The following EPM2A variants were observed in gnomAD, a reference collection of about 807,000 sequenced individuals.
EPM2A encodes laforin.
EPM2A carries 21 observed loss-of-function variants against 26.5 expected under a neutral mutation model. That is an observed-to-expected ratio of 0.79 (90% CI 0.56 to 1.14). The LOEUF is 1.14. Ranked by LOEUF, EPM2A falls within the 50% of genes most tolerant of loss-of-function variation. EPM2A has a pLI of 0.00. For missense variants in EPM2A, 458 were observed against 440.8 expected, an observed-to-expected ratio of 1.04 and a Z score of -0.35; for synonymous variants, 217 against 177.6, an observed-to-expected ratio of 1.22 and a Z score of -1.76.
At chr6:145,510,040 C>T (rs999390742) in intron 2 of EPM2A, among the ~76,000 whole-genome samples, 4 of 151,906 alleles carry the variant, frequency 2.6e-5, no homozygotes, top group African/African-American at 4.8e-5. Context: ...ATTTCACTGT[C>T]GTAAATATAT....
In EPM2A at chr6:145,625,751, C is replaced by T. The variant is rs1193728765; in HGVS notation, c.*1665G>A. The stretch of plus-strand genomic sequence containing the variant: ...TCTGCCCAAAGCAAATGTCATCTCC[C>T]CTAAGTGCCACAGTTCTATCTCCCC... On this transcript the variant is annotated 3_prime_UTR_variant, in exon 4 of 4. Transcript: ENST00000367519. The T allele has an allele frequency of 1.9e-6, 2 of 1,036,294 alleles. No individual in the cohort carries two copies. Among genetic ancestry groups the T allele is most frequent in the East Asian group, 4.7e-5 (2 of 42,194 alleles). The allele number at this position is 1,036,294 out of a possible 1,614,324, so 64.2% of individuals were successfully genotyped here. A position where few individuals can be genotyped will look rare whatever the true frequency, so the allele number is the denominator to read the frequency against.
At position 145,626,715 on chromosome 6, in the gene EPM2A, T is replaced by C; in HGVS notation, c.*701A>G. The C allele has an allele frequency of 2.0e-6, 2 of 986,114 alleles. No homozygotes were observed. Among genetic ancestry groups the C allele is most frequent in the Non-Finnish European group, 2.4e-6 (2 of 830,420 alleles). The allele number at this position is 986,114 out of a possible 1,614,324, so 61.1% of individuals were successfully genotyped here. A position where few individuals can be genotyped will look rare whatever the true frequency, so the allele number is the denominator to read the frequency against. ...TATGCTCATTAAGCCTCAATTTAAC[T>C]TCTTGACATCTCAACTATAAAAAAC... On this transcript the variant is annotated 3_prime_UTR_variant, in exon 4 of 4. Coordinates refer to ENST00000367519, the MANE Select transcript of EPM2A (RefSeq NM_005670.4).
intron 2 of EPM2A, among the ~76,000 whole-genome samples, chr6:145,507,422 G>A (rs1488714078): frequency 3.9e-5 from 6 of 152,198 alleles, no homozygotes; most frequent in African/African-American, 1.4e-4. Context: ...TGTGGGAGGG[G>A]CAGTCAGTCT....
intron 4 of EPM2A, among the ~76,000 whole-genome samples, chr6:145,472,851 C>T (rs1444320367): frequency 6.6e-6 from 1 of 152,128 alleles, no homozygotes; most frequent in Non-Finnish European, 1.5e-5. Flanking sequence ...TTGGGATACT[C>T]CTTAAAGCAG....
intron 4 of EPM2A, among the ~76,000 whole-genome samples, chr6:145,491,386 T>C (rs1355892295): frequency 6.6e-6 from 1 of 152,082 alleles, no homozygotes; most frequent in Non-Finnish European, 1.5e-5. Flanking sequence ...AGCAAAACTC[T>C]ATGCGGGCCC....
At chr6:145,519,537 T>C (rs950511914) in intron 2 of EPM2A, among the ~76,000 whole-genome samples, 2 of 152,252 alleles carry the variant, frequency 1.3e-5, no homozygotes, top group African/African-American at 4.8e-5. Flanking sequence ...TTAAATTGCA[T>C]TTTTAAATTA....
intron 4 of EPM2A, among the ~76,000 whole-genome samples, chr6:145,388,002 G>A (rs1344727647): frequency 6.6e-6 from 1 of 152,130 alleles, no homozygotes; most frequent in Non-Finnish European, 1.5e-5. Flanking sequence ...AACCACACAG[G>A]CATATATGTT....
intron 4 of EPM2A, among the ~76,000 whole-genome samples, chr6:145,478,536 A>G (rs893138632): frequency 6.6e-6 from 1 of 151,896 alleles, no homozygotes; most frequent in African/African-American, 2.4e-5. Flanking sequence ...TATGTTACAG[A>G]ACTATAGTAA....
intron 2 of EPM2A, among the ~76,000 whole-genome samples, chr6:145,559,402 A>G (rs990096346): frequency 1.4e-4 from 22 of 152,134 alleles, no homozygotes; most frequent in Admixed American, 1.2e-3. Context: ...GATTTTGGCC[A>G]ATTTCCTTTC....
intron 4 of EPM2A, among the ~76,000 whole-genome samples, chr6:145,428,393 A>G (rs1191005183): frequency 1.3e-5 from 2 of 151,946 alleles, no homozygotes; most frequent in Non-Finnish European, 2.9e-5. Context: ...AGCACTTTTT[A>G]TCTACACCCA....
intron 2 of EPM2A, among the ~76,000 whole-genome samples, chr6:145,507,479 C>T (rs1338793223): frequency 6.6e-6 from 1 of 152,116 alleles, no homozygotes; most frequent in Non-Finnish European, 1.5e-5. Context: ...CAAGGGAGGG[C>T]ACCCTGTTTC....
At chr6:145,592,914 T>C (rs1781294310) in intron 2 of EPM2A, among the ~76,000 whole-genome samples, 1 of 152,032 alleles carries the variant, frequency 6.6e-6, no homozygotes, top group African/African-American at 2.4e-5. Context: ...CTGTAATAAA[T>C]AGAAAACAAT....
At chr6:145,416,164 G>A (rs112842159) in intron 4 of EPM2A, among the ~76,000 whole-genome samples, 2 of 151,872 alleles carry the variant, frequency 1.3e-5, no homozygotes, top group South Asian at 2.1e-4. Context: ...GCTCCTAAAT[G>A]AGTTGTTACT....
intron 2 of EPM2A, among the ~76,000 whole-genome samples, chr6:145,600,479 C>T (rs2128549982): frequency 6.6e-6 from 1 of 152,274 alleles, no homozygotes; most frequent in South Asian, 2.1e-4. Context: ...CATTGTTTTC[C>T]TATCTTTTCA....
intron 2 of EPM2A, among the ~76,000 whole-genome samples, chr6:145,666,962 T>G (rs1273003383): frequency 5.9e-4 from 76 of 128,688 alleles, no homozygotes; most frequent in African/African-American, 2.4e-3. Context: ...GCTAGCCATA[T>G]GTAGAAAGCT....
intron 4 of EPM2A, among the ~76,000 whole-genome samples, chr6:145,393,520 G>T (rs1778364716): frequency 6.6e-6 from 1 of 151,998 alleles, no homozygotes; most frequent in South Asian, 2.1e-4. Context: ...CCCATTATAA[G>T]AATAGGGGTA....
intron 2 of EPM2A, among the ~76,000 whole-genome samples, chr6:145,598,110 C>T (rs1781372367): frequency 6.6e-6 from 1 of 152,070 alleles, no homozygotes; most frequent in Non-Finnish European, 1.5e-5. Flanking sequence ...TGCTGGGTCT[C>T]ATGGTAGTTT....
intron 4 of EPM2A, among the ~76,000 whole-genome samples, chr6:145,422,749 T>C (rs1778805384): frequency 6.6e-6 from 1 of 152,150 alleles, no homozygotes; most frequent in African/African-American, 2.4e-5. Flanking sequence ...AATTTTGTTA[T>C]TTTTATCCTA....
At chr6:145,594,548 A>G (rs1438795020) in intron 2 of EPM2A, among the ~76,000 whole-genome samples, 1 of 133,776 alleles carries the variant, frequency 7.5e-6, no homozygotes, top group African/African-American at 4.0e-5. Flanking sequence ...TTAAAAAAAT[A>G]TATACAGTAA....
Sources: gnomAD v4.1 joint callset for allele counts (sites outside exome capture counted in the v4.1 genomes callset) on GRCh38, gnomAD v4.1.1 for gene constraint, MANE v1.5 for transcripts, NCBI Gene and HGNC (gene_info 2026-07-23, HGNC 2026-07-21) for gene names.